FBXL4: variants seen among roughly 807,000 people sequenced by gnomAD.
FBXL4 encodes the protein F-box/LRR-repeat protein 4.
In FBXL4, 40 loss-of-function variants were observed where a neutral mutation model predicts 58.9. The ratio of observed to expected loss-of-function variants is 0.68; its 90% CI spans 0.53 to 0.88. The LOEUF is 0.88. Ranked by LOEUF, FBXL4 falls within the 40% of genes least tolerant of loss-of-function variation. FBXL4 has a pLI of 0.00. For synonymous variants in FBXL4, 263 were observed against 265.5 expected, an observed-to-expected ratio of 0.99 and a Z score of 0.09; for missense variants, 676 against 734.4, an observed-to-expected ratio of 0.92 and a Z score of 0.92.
Position 98,870,034 on chromosome 6 carries a change from C to G in FBXL4, c.*4244G>C, listed in dbSNP as rs1455587889. ...TCAGTTGTCAAAGCTAACAATGCATCACCTGGCTTCAAAATTTAACAAACA... is the reference window on the plus strand; with the variant it reads ...TCAGTTGTCAAAGCTAACAATGCATGACCTGGCTTCAAAATTTAACAAACA... On this transcript the variant is annotated 3_prime_UTR_variant, in exon 10 of 10. Transcript: ENST00000369244. 6.6e-6 allele frequency: 1 copy of G among 152,178 alleles called. No individual in the cohort carries two copies. Among genetic ancestry groups the G allele is most frequent in the South Asian group, 2.1e-4 (1 of 4,830 alleles). 9.4% of individuals were successfully genotyped at this position (152,178 alleles called of 1,614,324 possible). A position where few individuals can be genotyped will look rare whatever the true frequency, so the allele number is the denominator to read the frequency against.
At chr6:98,935,922 T>A (rs1237145906) in intron 1 of FBXL4, among the ~76,000 whole-genome samples, 2 of 152,050 alleles carry the variant, frequency 1.3e-5, no homozygotes, top group Non-Finnish European at 2.9e-5. Flanking sequence ...TGGCTGAGGA[T>A]AAATTTAAGG....
At chr6:98,910,638 C>G (rs1772006036) in intron 5 of FBXL4, among the ~76,000 whole-genome samples, 1 of 148,962 alleles carries the variant, frequency 6.7e-6, no homozygotes, top group Non-Finnish European at 1.5e-5. Flanking sequence ...GCCTGGGCAA[C>G]AGAGCGAGAC....
intron 1 of FBXL4, among the ~76,000 whole-genome samples, chr6:98,939,922 G>A (rs1049450190): frequency 6.6e-6 from 1 of 152,166 alleles, no homozygotes; most frequent in Non-Finnish European, 1.5e-5. Flanking sequence ...CAATATTTAA[G>A]CTCACTGCAA....
Position 98,874,332 on chromosome 6 carries a change from T to C in FBXL4, c.1812A>G (p.Leu604=), listed in dbSNP as rs962710974. Residue 604 remains leucine, a synonymous_variant, in exon 10 of 10, where the codon CTA becomes CTG. Transcript: ENST00000369244. ...CTTTTGGAAAGCTTGCATTCAGTTC[T>C]AGCACAGCTCTGTTATCAATCTGCG... ...FCSQIDNRAV[L]ELNASFPKVF... is the part of the protein sequence containing the mutation. The C allele has an allele frequency of 2.5e-6, 4 of 1,612,978 alleles. No homozygotes were observed. The highest frequency in any genetic ancestry group is 1.7e-5 in the Admixed American group (1 of 59,636).
chr6:98,891,206 A>T (rs889759829), intron 7 of FBXL4, among the ~76,000 whole-genome samples: 8 of 152,222 alleles, frequency 5.3e-5, no homozygotes, highest in Non-Finnish European at 8.8e-5. Flanking sequence ...ACAGATCTCT[A>T]AAAAGAAAAG....
chr6:98,932,876 A>G (rs992781106), intron 2 of FBXL4, among the ~76,000 whole-genome samples: 8 of 152,042 alleles, frequency 5.3e-5, no homozygotes, highest in Admixed American at 5.2e-4. Flanking sequence ...TTTACTTGCA[A>G]AAGAGCCCAC....
intron 1 of FBXL4, among the ~76,000 whole-genome samples, chr6:98,943,721 G>A (rs1773518503): frequency 6.6e-6 from 1 of 151,750 alleles, no homozygotes; most frequent in Admixed American, 6.6e-5. Flanking sequence ...TAAAATGACT[G>A]AAAATAAACA....
intron 8 of FBXL4, among the ~76,000 whole-genome samples, chr6:98,878,118 G>A (rs1049372884): frequency 6.6e-6 from 1 of 152,174 alleles, no homozygotes; most frequent in Non-Finnish European, 1.5e-5. Context: ...GCCATGAGGT[G>A]AATACTCAGC....
chr6:98,888,625 G>A (rs1771118944), intron 7 of FBXL4, among the ~76,000 whole-genome samples: 1 of 152,174 alleles, frequency 6.6e-6, no homozygotes, highest in African/African-American at 2.4e-5. Flanking sequence ...TTCAATAGAA[G>A]TACAAGAGTA....
chr6:98,941,291 G>T (rs1005804067), intron 1 of FBXL4, among the ~76,000 whole-genome samples: 1 of 151,954 alleles, frequency 6.6e-6, no homozygotes, highest in Non-Finnish European at 1.5e-5. Flanking sequence ...AATGCATTTT[G>T]TTAAGTGACA....
chr6:98,875,754 T>C (rs959050165), intron 8 of FBXL4, 27 bp from the exon 9 acceptor site: 2 of 1,603,842 alleles, frequency 1.2e-6, no homozygotes, highest in African/African-American at 2.7e-5. Context: ...TCCAATCTTT[T>C]ACATGTTATG....
chr6:98,941,052 G>A (rs1476094370), intron 1 of FBXL4, among the ~76,000 whole-genome samples: 2 of 152,090 alleles, frequency 1.3e-5, no homozygotes, highest in African/African-American at 4.8e-5. Context: ...AAACCATCCA[G>A]CAATCCCATT....
At chr6:98,939,397 T>C (rs1002597759) in intron 1 of FBXL4, among the ~76,000 whole-genome samples, 1 of 152,212 alleles carries the variant, frequency 6.6e-6, no homozygotes, top group East Asian at 1.9e-4. Flanking sequence ...TAAGCTGTCA[T>C]ACATTAACTT....
intron 6 of FBXL4, among the ~76,000 whole-genome samples, chr6:98,902,455 A>G (rs1771650721): frequency 6.6e-6 from 1 of 152,198 alleles, no homozygotes. Context: ...ACACAACTGT[A>G]TAAAATATAG....
Position 98,890,316 on chromosome 6 carries a change from C to A in FBXL4, c.1317+8952G>T, listed in dbSNP as rs1582381599. Among the ~76,000 whole-genome samples the A allele has an allele frequency of 2.6e-5, 4 of 152,196 alleles. 1 individual carries two copies. Among genetic ancestry groups the A allele is most frequent in the African/African-American group, 9.6e-5 (4 of 41,546 alleles). Reference sequence around the variant, plus strand: ...AGGTAACAAGTGTACATATTACAGACAAAGACTAGCTAAAATATAGACTAG... The same window carrying A: ...AGGTAACAAGTGTACATATTACAGAAAAAGACTAGCTAAAATATAGACTAG... On this transcript the variant is annotated intron_variant, in intron 7 of 9. Coordinates refer to ENST00000369244, the MANE Select transcript of FBXL4 (RefSeq NM_001278716.2).
chr6:98,932,293 T>C (rs1773042083), intron 2 of FBXL4, among the ~76,000 whole-genome samples: 1 of 152,214 alleles, frequency 6.6e-6, no homozygotes, highest in Admixed American at 6.5e-5. Flanking sequence ...ACACTGAACA[T>C]TTATACTAGC....
intron 5 of FBXL4, among the ~76,000 whole-genome samples, chr6:98,912,884 A>G (rs1323071589): frequency 1.3e-5 from 2 of 152,192 alleles, no homozygotes; most frequent in Middle Eastern, 3.4e-3. Flanking sequence ...AGACTGGCAA[A>G]TTGGATAAAG....
At chr6:98,906,552 T>C (rs1250436454) in intron 5 of FBXL4, among the ~76,000 whole-genome samples, 1 of 152,214 alleles carries the variant, frequency 6.6e-6, no homozygotes, top group Non-Finnish European at 1.5e-5. Flanking sequence ...GTGCCACATT[T>C]TCTTTATCCA....
rs775962308 is a variant in FBXL4, at chr6:98,926,593, T to G, written c.396A>C (p.Glu132Asp). ...QSQDYVELTFEQQVYPTAVHV... is the reference protein window; with the variant it reads ...QSQDYVELTFDQQVYPTAVHV... ...GTACAGCTGTAGGATACACCTGTTG[T>G]TCAAAAGTAAGTTCCACATAGTCCT... Residue 132 changes from glutamate (E) to aspartate (D), a missense_variant, in exon 4 of 10, where the codon GAA (glutamate) becomes GAC (aspartate). Transcript: ENST00000369244. The G allele has an allele frequency of 6.2e-7, 1 of 1,614,062 alleles. No homozygotes were observed. Among genetic ancestry groups the G allele is most frequent in the Non-Finnish European group, 8.5e-7 (1 of 1,180,026 alleles).
Sources: allele counts gnomAD v4.1 joint callset (sites outside exome capture counted in the v4.1 genomes callset), GRCh38; gene constraint gnomAD v4.1.1; transcripts MANE v1.5; gene names NCBI Gene and HGNC (gene_info 2026-07-23, HGNC 2026-07-21).